The following TNRC6C variants were observed in gnomAD, a reference collection of about 807,000 sequenced individuals.
TNRC6C encodes the protein trinucleotide repeat-containing gene 6C protein.
In TNRC6C, 20 loss-of-function variants were observed where a neutral mutation model predicts 153.7. The ratio of observed to expected loss-of-function variants is 0.13; its 90% CI spans 0.09 to 0.19. TNRC6C has a LOEUF of 0.19. TNRC6C is among the 10% of genes least tolerant of loss of function. TNRC6C has a pLI of 1.00. For synonymous variants in TNRC6C, 811 were observed against 841.4 expected, an observed-to-expected ratio of 0.96 and a Z score of 0.63; for missense variants, 1,987 against 2,172.0, an observed-to-expected ratio of 0.91 and a Z score of 1.69.
chr17:77,997,538 G>A (rs1393156842), intron 1 of TNRC6C, among the ~76,000 whole-genome samples: 3 of 152,076 alleles, frequency 2.0e-5, no homozygotes, highest in Non-Finnish European at 4.4e-5. Flanking sequence ...AACACATACT[G>A]TCTGCACTTC....
chr17:78,063,793 C>G (rs1054917905), intron 3 of TNRC6C, among the ~76,000 whole-genome samples: 3 of 152,122 alleles, frequency 2.0e-5, no homozygotes, highest in Non-Finnish European at 4.4e-5. Flanking sequence ...TGATCTGTGT[C>G]TATGATGGTC....
At chr17:78,106,575 A>G (rs1027669534) in exon 20 of TNRC6C, 5 of 150,632 alleles carry the variant, frequency 3.3e-5, no homozygotes, top group African/African-American at 1.2e-4. Flanking sequence ...GAAAAAGAGG[A>G]AAAAAAAACA....
At chr17:78,093,153 A>G in intron 15 of TNRC6C, 29 bp downstream of exon 17, 1 of 1,605,944 alleles carries the variant, frequency 6.2e-7, no homozygotes, top group Non-Finnish European at 8.5e-7. Context: ...TCTGTGCAAC[A>G]GCAGCAGGTC....
chr17:78,098,715 T>C (rs527334113), intron 17 of TNRC6C, among the ~76,000 whole-genome samples, 178 bp downstream of exon 20: 20 of 152,176 alleles, frequency 1.3e-4, no homozygotes, highest in Admixed American at 7.8e-4. Flanking sequence ...TGGGTGAGCC[T>C]GGTGTTTTTA....
chr17:78,093,573 G>A (rs1396493233), intron 15 of TNRC6C, 47 bp from the exon 18 acceptor site: 1 of 1,599,760 alleles, frequency 6.3e-7, no homozygotes, highest in East Asian at 2.2e-5. Flanking sequence ...GTGAATCAAT[G>A]TGCCGGTGTT....
intron 13 of TNRC6C, among the ~76,000 whole-genome samples, chr17:78,091,187 A>T (rs191986553): frequency 6.6e-6 from 1 of 152,292 alleles, no homozygotes; most frequent in Non-Finnish European, 1.5e-5. Context: ...TAAAAGTTAT[A>T]GTTAAAATAT....
At chr17:78,050,309 C>A (rs556098632) in exon 3 of TNRC6C, 6 of 1,569,326 alleles carry the variant, frequency 3.8e-6, no homozygotes, top group Middle Eastern at 3.4e-4. Flanking sequence ...AGGGAAGGAA[C>A]GGGAGAAGGC....
At chr17:77,995,662 A>G (rs566766155) in intron 1 of TNRC6C, among the ~76,000 whole-genome samples, 1 of 152,186 alleles carries the variant, frequency 6.6e-6, no homozygotes, top group African/African-American at 2.4e-5. Flanking sequence ...ACCAGCAAGG[A>G]CTACTGTATC....
chr17:78,086,535 G>C, exon 12 of TNRC6C: 4 of 1,613,914 alleles, frequency 2.5e-6, no homozygotes, highest in Non-Finnish European at 2.5e-6. Context: ...AGCAGCAGAT[G>C]TTACAGGCCC....
rs549178336 is a variant in TNRC6C, at chr17:77,979,939, A to G, written c.-38+20671A>G. ...ATCTTCAAAGTGTTGTAAGAAAATA[A>G]CTGCCAACCTAGAAATCTGTATGAA... On this transcript the variant is annotated intron_variant, in intron 1 of 22. Coordinates refer to the TNRC6C transcript ENST00000636222. Among the ~76,000 whole-genome samples, 106 of 152,330 alleles carry G rather than the reference A, an allele frequency of 7.0e-4. No individual in the cohort carries two copies. In the Middle Eastern group the frequency reaches 0.01, roughly 15 times the overall value.
intron 1 of TNRC6C, among the ~76,000 whole-genome samples, chr17:77,971,909 A>G (rs1409836575): frequency 6.6e-6 from 1 of 151,966 alleles, no homozygotes; most frequent in East Asian, 1.9e-4. Context: ...ACATGATGCA[A>G]CTAAACTGTA....
intron 3 of TNRC6C, among the ~76,000 whole-genome samples, chr17:78,064,301 T>C (rs1236488785): frequency 6.6e-6 from 1 of 152,210 alleles, no homozygotes; most frequent in African/African-American, 2.4e-5. Flanking sequence ...TTCACCATGT[T>C]GGCCAGACTG....
intron 3 of TNRC6C, among the ~76,000 whole-genome samples, chr17:78,063,496 G>A (rs973350500): frequency 6.6e-6 from 1 of 152,026 alleles, no homozygotes; most frequent in African/African-American, 2.4e-5. Context: ...AGGGTCACCT[G>A]TGATTCTATA....
intron 2 of TNRC6C, among the ~76,000 whole-genome samples, chr17:78,041,313 C>T (rs923669089): frequency 6.6e-6 from 1 of 152,138 alleles, no homozygotes; most frequent in Non-Finnish European, 1.5e-5. Context: ...TGCTAAAGAT[C>T]TGCCGCACGG....
intron 7 of TNRC6C, among the ~76,000 whole-genome samples, chr17:78,074,773 A>G (rs762110826): frequency 5.3e-5 from 8 of 152,238 alleles, no homozygotes; most frequent in Non-Finnish European, 1.2e-4. Flanking sequence ...ATGAGGAAGC[A>G]AGTCTTGCAG....
intron 1 of TNRC6C, among the ~76,000 whole-genome samples, chr17:77,968,668 A>G (rs1436239570): frequency 6.6e-6 from 1 of 152,224 alleles, no homozygotes; most frequent in Non-Finnish European, 1.5e-5. Flanking sequence ...TAAATAGCTT[A>G]TGCACATGCC....
chr17:78,039,321 C>A (rs539094179), intron 2 of TNRC6C, among the ~76,000 whole-genome samples: 12 of 88,804 alleles, frequency 1.4e-4, no homozygotes, highest in Admixed American at 3.8e-4. Flanking sequence ...CCCCCCCCCC[C>A]ACTCCCTACC....
chr17:78,086,901 C>T (rs756621476), exon 13 of TNRC6C: 11 of 1,612,394 alleles, frequency 6.8e-6, no homozygotes, highest in African/African-American at 2.7e-5. Context: ...GCAGCACCAG[C>T]GCCAGCTGGC....
intron 7 of TNRC6C, among the ~76,000 whole-genome samples, chr17:78,073,723 C>T (rs1240223449): frequency 1.3e-5 from 2 of 152,134 alleles, no homozygotes; most frequent in African/African-American, 4.8e-5. Flanking sequence ...TTTTGTCAAC[C>T]AATCAATATA....
Sources: allele counts gnomAD v4.1 joint callset (sites outside exome capture counted in the v4.1 genomes callset), GRCh38; gene constraint gnomAD v4.1.1; transcripts MANE v1.5; gene names NCBI Gene and HGNC (gene_info 2026-07-23, HGNC 2026-07-21).